The following CR1L variants were observed in gnomAD, a reference collection of about 807,000 sequenced individuals.
The protein encoded by CR1L is complement C3b/C4b receptor 1 like, also known as complement component receptor 1-like protein.
Under a neutral mutation model 62.3 loss-of-function variants are expected in CR1L, and 59 were observed. That is an observed-to-expected ratio of 0.95 (90% CI 0.77 to 1.18). The LOEUF (loss-of-function observed/expected upper bound fraction) is 1.18, where lower values mean the gene tolerates loss of function less well. Ranked by LOEUF, CR1L falls within the 50% of genes most tolerant of loss-of-function variation. The pLI is 0.00. For synonymous variants in CR1L, 279 were observed against 248.7 expected (o/e 1.12, Z -1.15); for missense variants, 700 against 702.8 (o/e 1.00, Z 0.04).
intron 5 of CR1L, among the ~76,000 whole-genome samples, chr1:207,696,547 G>A (rs993611169): frequency 1.3e-5 from 2 of 152,156 alleles, no homozygotes; most frequent in African/African-American, 2.4e-5. Flanking sequence ...GCATTGATTA[G>A]TCAAGGGAAA....
At position 207,645,229 on chromosome 1, in the gene CR1L, C is replaced by T. The variant is rs1451840881; in HGVS notation, c.-5C>T. The stretch of plus-strand genomic sequence containing the variant: ...GGATAAATCACGGGGTCTCCCGCGC[C>T]GCTCATGGCGCCTCCCGTCCGTCTC... On this transcript the variant is annotated 5_prime_UTR_variant, in exon 1 of 12. Coordinates refer to ENST00000508064, the MANE Select transcript of CR1L (RefSeq NM_175710.2). 1.2e-6 allele frequency: 2 copies of T among 1,612,750 alleles called. No individual in the cohort carries two copies. The highest frequency in any genetic ancestry group is 1.1e-5 in the South Asian group (1 of 91,030).
chr1:207,648,291 T>C (rs1663168052), intron 1 of CR1L, among the ~76,000 whole-genome samples: 1 of 147,738 alleles, frequency 6.8e-6, no homozygotes, highest in African/African-American at 2.5e-5. Context: ...GAACATAGAA[T>C]TATAAAATGA....
At chr1:207,691,136 C>T (rs1423192974) in intron 4 of CR1L, among the ~76,000 whole-genome samples, 1 of 152,146 alleles carries the variant, frequency 6.6e-6, no homozygotes, top group African/African-American at 2.4e-5. Context: ...GCAATCTTTA[C>T]TTTATGTATT....
chr1:207,709,809 C>A (rs1664324141), intron 10 of CR1L, among the ~76,000 whole-genome samples: 2 of 146,356 alleles, frequency 1.4e-5, no homozygotes, highest in Admixed American at 6.8e-5. Context: ...TGCACTCCAG[C>A]CTGGGCAACA....
chr1:207,696,165 C>A (rs1664099020), intron 5 of CR1L, among the ~76,000 whole-genome samples: 1 of 152,230 alleles, frequency 6.6e-6, no homozygotes, highest in Admixed American at 6.5e-5. Flanking sequence ...GCCCCTCCCA[C>A]TGAGCAGGCA....
Position 207,671,065 on chromosome 1 carries a change from T to G in CR1L, c.98-6324T>G, listed in dbSNP as rs1036118030. Reference sequence around the variant, plus strand: ...TTTAGGAAGCCAGTGTTCTGGTTTTTCCAGACTCTGCTACTTACCAACTGG... The same window carrying G: ...TTTAGGAAGCCAGTGTTCTGGTTTTGCCAGACTCTGCTACTTACCAACTGG... On this transcript the variant is annotated intron_variant, in intron 1 of 11. Coordinates refer to ENST00000508064, the MANE Select transcript of CR1L (RefSeq NM_175710.2). Among the ~76,000 whole-genome samples, 5 of 151,060 alleles carry G rather than the reference T, an allele frequency of 3.3e-5. 1 individual carries two copies. Among genetic ancestry groups the G allele is most frequent in the African/African-American group, 1.2e-4 (5 of 40,342 alleles).
At chr1:207,694,240 AC>A in intron 4 of CR1L, 112 bp from the exon 5 acceptor site, 1 of 1,302,658 alleles carries the variant, frequency 7.7e-7, no homozygotes, top group South Asian at 1.4e-5. Context: ...AAATGTACCT[AC>A]GTGTTAGCAA....
chr1:207,675,601 A>G (rs766328077), intron 1 of CR1L, among the ~76,000 whole-genome samples: 13 of 152,258 alleles, frequency 8.5e-5, no homozygotes, highest in South Asian at 2.1e-4. Flanking sequence ...GCATCTTTGT[A>G]CAAAGCCAAA....
intron 1 of CR1L, among the ~76,000 whole-genome samples, chr1:207,672,814 C>T (rs1159954205): frequency 6.6e-6 from 1 of 152,158 alleles, no homozygotes; most frequent in Non-Finnish European, 1.5e-5. Flanking sequence ...AATTTGCTTT[C>T]TGTGCTTTGT....
intron 4 of CR1L, among the ~76,000 whole-genome samples, chr1:207,690,923 CAATCCAG>C (rs1204991867): frequency 6.6e-6 from 1 of 152,180 alleles, no homozygotes; most frequent in Non-Finnish European, 1.5e-5. Flanking sequence ...GCCACCCTGG[CAATCCAG>C]AATGGTCTCA....
chr1:207,721,370 G>A (rs1005359731), intron 11 of CR1L, among the ~76,000 whole-genome samples: 23 of 125,000 alleles, frequency 1.8e-4, no homozygotes, highest in Admixed American at 3.2e-4. Context: ...AGTCCCCAGA[G>A]TGTGATATTC....
In CR1L at chr1:207,655,642, T is replaced by C. The variant is rs188308190; in HGVS notation, c.97+10312T>C. Among the ~76,000 whole-genome samples, 357 of 152,292 alleles carry C rather than the reference T, an allele frequency of 2.3e-3. 1 individual carries two copies. The highest frequency in any genetic ancestry group is 4.2e-3 in the Admixed American group (65 of 15,296). ...TTGTAGAGACGTGGTTTTGCCATGA[T>C]GCCCAGGCTGGTCTTGAACTCCCGT... On this transcript the variant is annotated intron_variant, in intron 1 of 11. Transcript: ENST00000508064.
chr1:207,677,633 T>G, intron 2 of CR1L, 65 bp downstream of exon 2: 1 of 1,552,302 alleles, frequency 6.4e-7, no homozygotes. Flanking sequence ...ATTCAATTTG[T>G]TCAAATTTTG....
At chr1:207,665,203 G>A (rs545803825) in intron 1 of CR1L, among the ~76,000 whole-genome samples, 68 of 150,572 alleles carry the variant, frequency 4.5e-4, no homozygotes, top group African/African-American at 1.1e-3. Flanking sequence ...ACAGGCACCC[G>A]CCACCATGCC....
intron 4 of CR1L, among the ~76,000 whole-genome samples, chr1:207,688,605 TC>T (rs1053076707): frequency 3.4e-4 from 51 of 151,252 alleles, no homozygotes; most frequent in African/African-American, 1.2e-3. Context: ...CTTGTCAATT[TC>T]CACAAAAAGA....
At chr1:207,715,375 T>C (rs1419736877) in intron 10 of CR1L, 6 of 1,594,286 alleles carry the variant, frequency 3.8e-6, no homozygotes, top group Non-Finnish European at 5.1e-6. Flanking sequence ...CCCTTTGGAA[T>C]AGCAGTGTTC....
intron 1 of CR1L, among the ~76,000 whole-genome samples, chr1:207,654,771 T>G (rs1327930334): frequency 6.6e-6 from 1 of 152,186 alleles, no homozygotes; most frequent in East Asian, 1.9e-4. Flanking sequence ...GAACTTTAAG[T>G]GATTTACCCA....
chr1:207,669,382 G>A lies in CR1L; in HGVS notation c.98-8007G>A, dbSNP rs1314672337. Reference sequence around the variant, plus strand: ...GATTGGTCACTCCTCTTTGCACTGCGCTTTTCCTCTTATTTCAGTTTTCTT... The same window carrying A: ...GATTGGTCACTCCTCTTTGCACTGCACTTTTCCTCTTATTTCAGTTTTCTT... On this transcript the variant is annotated intron_variant, in intron 1 of 11. Transcript: ENST00000508064. The A allele has an allele frequency of 5.7e-5, 61 of 1,061,026 alleles. No individual in the cohort carries two copies. In the Admixed American group the frequency reaches 1.1e-3, roughly 19 times the overall value. 65.7% of individuals were successfully genotyped at this position (1,061,026 alleles called of 1,614,324 possible). A position where few individuals can be genotyped will look rare whatever the true frequency, so the allele number is the denominator to read the frequency against.
chr1:207,710,877 G>A, intron 10 of CR1L: 1 of 1,247,834 alleles, frequency 8.0e-7, no homozygotes, highest in South Asian at 1.3e-5. Flanking sequence ...AGGGATGTAT[G>A]TTGAGGAGGG....
Sources: allele counts gnomAD v4.1 joint callset (sites outside exome capture counted in the v4.1 genomes callset), GRCh38; gene constraint gnomAD v4.1.1; transcripts MANE v1.5; gene names NCBI Gene and HGNC (gene_info 2026-07-23, HGNC 2026-07-21).